The following CIBAR2 variants were observed in gnomAD, a reference collection of about 807,000 sequenced individuals.
The protein encoded by CIBAR2 is CBY1-interacting BAR domain-containing protein 2.
Under a neutral mutation model 36.2 loss-of-function variants are expected in CIBAR2, and 38 were observed. That is an observed-to-expected ratio of 1.05 (90% CI 0.81 to 1.38). CIBAR2 has a LOEUF of 1.38. Among genes scored for constraint, CIBAR2 ranks in the 40% most tolerant of loss-of-function variants. The pLI is 0.00. For synonymous variants in CIBAR2, 182 were observed against 149.5 expected (o/e 1.22, Z -1.58); for missense variants, 481 against 383.4 (o/e 1.25, Z -2.13).
chr16:85,106,277 C>T (rs913404220), intron 5 of CIBAR2, among the ~76,000 whole-genome samples: 6 of 152,142 alleles, frequency 3.9e-5, no homozygotes, highest in African/African-American at 1.4e-4. Context: ...CGGCATCCAG[C>T]ATCCCTGGCC....
In CIBAR2 at chr16:85,105,553, G is replaced by A. The variant is rs982978979; in HGVS notation, c.433-122C>T. 4 of 696,248 alleles carry A rather than the reference G, an allele frequency of 5.7e-6. 1 individual carries two copies. Among genetic ancestry groups the A allele is most frequent in the South Asian group, 3.6e-5 (2 of 55,174 alleles). 43.1% of individuals were successfully genotyped at this position (696,248 alleles called of 1,614,324 possible). On this transcript the variant is annotated intron_variant, in intron 5 of 8. Transcript: ENST00000539556. ...GGCCAGTTCTCCTGCCTCAAGGGAC[G>A]TTTCTTGCTAATTGGGTCATCAAAG...
At chr16:85,104,016 C>T (rs1023935914) in intron 6 of CIBAR2, among the ~76,000 whole-genome samples, 1 of 152,270 alleles carries the variant, frequency 6.6e-6, no homozygotes, top group Non-Finnish European at 1.5e-5. Flanking sequence ...CAGCACCTGG[C>T]ACGCAGTAGG....
chr16:85,109,787 C>T (rs9944356), intron 2 of CIBAR2, among the ~76,000 whole-genome samples: 22,640 of 152,152 alleles, frequency 0.15, 1,736 homozygotes, highest in Middle Eastern at 0.18. Flanking sequence ...GTGTGAGCAC[C>T]TGGCCCTTTT....
Position 85,099,093 on chromosome 16 carries a change from G to C in CIBAR2, c.*92C>G. 7.1e-7 allele frequency: 1 copy of C among 1,401,378 alleles called. No individual in the cohort carries two copies. The highest frequency in any genetic ancestry group is 9.4e-7 in the Non-Finnish European group (1 of 1,064,504). 86.8% of individuals were successfully genotyped at this position (1,401,378 alleles called of 1,614,324 possible). On this transcript the variant is annotated 3_prime_UTR_variant, in exon 9 of 9. Transcript: ENST00000539556. ...CTTTGAATTAACACAATCCAACAAA[G>C]ACAAAGAAAAAAGAATCAGAAAATA...
chr16:85,109,751 G>A (rs2074025794), intron 2 of CIBAR2, among the ~76,000 whole-genome samples: 1 of 152,106 alleles, frequency 6.6e-6, no homozygotes, highest in Non-Finnish European at 1.5e-5. Context: ...TGTCCACCTA[G>A]GCCTCCCAGA....
At chr16:85,102,668 A>G (rs2073964897) in intron 6 of CIBAR2, among the ~76,000 whole-genome samples, 1 of 152,178 alleles carries the variant, frequency 6.6e-6, no homozygotes, top group Non-Finnish European at 1.5e-5. Flanking sequence ...AAGTAAATAA[A>G]TAAATAAATA....
chr16:85,101,354 C>G (rs1337838736), intron 7 of CIBAR2, among the ~76,000 whole-genome samples: 1 of 152,168 alleles, frequency 6.6e-6, no homozygotes, highest in African/African-American at 2.4e-5. Flanking sequence ...TGACAGCCAC[C>G]TTCTGCTAGA....
intron 4 of CIBAR2, 58 bp downstream of exon 4, chr16:85,107,788 C>G (rs559441286): frequency 6.3e-7 from 1 of 1,578,358 alleles, no homozygotes; most frequent in South Asian, 1.1e-5. Context: ...CAGAAGACAT[C>G]AGTGTGAGTG....
In CIBAR2 at chr16:85,102,266, T is replaced by C; in HGVS notation, c.599A>G (p.Tyr200Cys). Residue 200 changes from tyrosine to cysteine, a missense_variant, in exon 7 of 9, where the codon TAT (tyrosine) becomes TGT (cysteine). Physicochemically the swap from Tyr to Cys is radical, Grantham distance 194. Transcript: ENST00000539556. ...MVFHAKAVEV[Y>C]SSAFQTLEKY... is the part of the protein sequence containing the mutation. The stretch of plus-strand genomic sequence containing the variant: ...CTCCAGGGTCTGGAAGGCGCTAGAA[T>C]ACACCTCCACCGCTTTGGCATGGAA... 5 of 1,613,872 alleles carry C rather than the reference T, an allele frequency of 3.1e-6. No homozygotes were observed. Among genetic ancestry groups the C allele is most frequent in the Non-Finnish European group, 4.2e-6 (5 of 1,179,778 alleles).
chr16:85,109,870 A>G (rs1398765167), intron 2 of CIBAR2, among the ~76,000 whole-genome samples: 1 of 152,096 alleles, frequency 6.6e-6, no homozygotes, highest in East Asian at 1.9e-4. Flanking sequence ...TTATTTCCTG[A>G]ACACCCTGCA....
chr16:85,100,844 A>G (rs372698518), intron 7 of CIBAR2, among the ~76,000 whole-genome samples: 6 of 152,254 alleles, frequency 3.9e-5, no homozygotes, highest in Non-Finnish European at 7.4e-5. Context: ...TCAGGAGATC[A>G]AGACCATCCT....
At position 85,110,406 on chromosome 16, in the gene CIBAR2, A is replaced by G; in HGVS notation, c.75T>C (p.Phe25=). The change falls in exon 2 of 9, where the codon TTT becomes TTC. Residue 25 remains phenylalanine (F), a synonymous_variant. Transcript: ENST00000539556. ...CGGCCAGCAGCGAGCAGAACTGCCC[A>G]AAGTACTTCTCGGTGTTGGCCACGG... is the stretch of plus-strand genomic sequence containing the variant. The part of the protein sequence containing the change: ...ENTVANTEKY[F]GQFCSLLAAY... 6.2e-7 allele frequency: 1 copy of G among 1,612,620 alleles called. No homozygotes were observed. Among genetic ancestry groups the G allele is most frequent in the Middle Eastern group, 1.6e-4 (1 of 6,062 alleles).
Position 85,107,958 on chromosome 16 carries a change from G to A in CIBAR2, c.325-11C>T. 1 of 1,613,878 alleles carries A rather than the reference G, an allele frequency of 6.2e-7. No homozygotes were observed. The highest frequency in any genetic ancestry group is 8.5e-7 in the Non-Finnish European group (1 of 1,179,716). On this transcript the variant is annotated splice_polypyrimidine_tract_variant and intron_variant, in intron 3 of 8. Coordinates refer to ENST00000539556, the MANE Select transcript of CIBAR2 (RefSeq NM_198491.3). ...TTTCTTGATCTCAGCCTGCAGAAAA[G>A]GAGGAGGGTTGTTTCCTGGGATCCC...
rs57427039 is a variant in CIBAR2 at position 85,098,907 on chromosome 16, G to A, written c.*278C>T. The A allele has an allele frequency of 0.12, 32,926 of 285,872 alleles. 2,186 individuals are homozygous for A. The highest frequency in any genetic ancestry group is 0.14 in the Non-Finnish European group (22,171 of 161,038). The allele number at this position is 285,872 out of a possible 1,614,324, so 17.7% of individuals were successfully genotyped here. ...GAGACTTTCCCAAGGTCACACCGCCGGGAGCAGTGGGCTCGGACCAAGAAA... is the reference window on the plus strand; with the variant it reads ...GAGACTTTCCCAAGGTCACACCGCCAGGAGCAGTGGGCTCGGACCAAGAAA... On this transcript the variant is annotated 3_prime_UTR_variant, in exon 9 of 9. Transcript: ENST00000539556.
At position 85,099,363 on chromosome 16, in the gene CIBAR2, G is replaced by T. The variant is rs777591142; in HGVS notation, c.754-17C>A. The T allele has an allele frequency of 1.5e-6, 2 of 1,354,542 alleles. No homozygotes were observed. Among genetic ancestry groups the T allele is most frequent in the Non-Finnish European group, 2.1e-6 (2 of 943,346 alleles). 83.9% of individuals were successfully genotyped at this position (1,354,542 alleles called of 1,614,324 possible). A position where few individuals can be genotyped will look rare whatever the true frequency, so the allele number is the denominator to read the frequency against. On this transcript the variant is annotated splice_polypyrimidine_tract_variant and intron_variant, in intron 8 of 8. Coordinates refer to ENST00000539556, the MANE Select transcript of CIBAR2 (RefSeq NM_198491.3). Reference sequence around the variant, plus strand: ...CAGAGTTCCCTGCAGAAATATAAATGCACCTGATGGCAGGCCTTCCTGGGG... The same window carrying T: ...CAGAGTTCCCTGCAGAAATATAAATTCACCTGATGGCAGGCCTTCCTGGGG...
In CIBAR2 at chr16:85,107,826, C is replaced by T. The variant is rs373556990; in HGVS notation, c.426+20G>A. On this transcript the variant is annotated intron_variant, in intron 4 of 8. Transcript: ENST00000539556. Reference sequence around the variant, plus strand: ...CACCCTGGCCCGGCAGCCCCAGGCCCCACTTCCAGGGAAGGATACGATCAT... The same window carrying T: ...CACCCTGGCCCGGCAGCCCCAGGCCTCACTTCCAGGGAAGGATACGATCAT... 34 of 1,604,644 alleles carry T rather than the reference C, an allele frequency of 2.1e-5. No homozygotes were observed. In the African/African-American group the frequency reaches 3.7e-4, roughly 18 times the overall value.
intron 2 of CIBAR2, 94 bp downstream of exon 2, chr16:85,110,132 G>T: frequency 1.1e-6 from 1 of 914,664 alleles, no homozygotes. Context: ...CATTGGCTGT[G>T]GCCACAGCAG....
At chr16:85,103,842 A>G (rs1264482789) in intron 6 of CIBAR2, among the ~76,000 whole-genome samples, 5 of 152,212 alleles carry the variant, frequency 3.3e-5, no homozygotes, top group Non-Finnish European at 7.4e-5. Context: ...TGTGTCACAC[A>G]GTGACCTCAC....
chr16:85,107,061 G>T (rs889626267), intron 5 of CIBAR2, among the ~76,000 whole-genome samples: 1 of 152,044 alleles, frequency 6.6e-6, no homozygotes, highest in Non-Finnish European at 1.5e-5. Flanking sequence ...TAGGAGAATC[G>T]CTTGAACCCT....
Sources: allele counts gnomAD v4.1 joint callset (sites outside exome capture counted in the v4.1 genomes callset), GRCh38; gene constraint gnomAD v4.1.1; transcripts MANE v1.5; gene names NCBI Gene and HGNC (gene_info 2026-07-23, HGNC 2026-07-21).